TRIP13: variants seen among roughly 807,000 people sequenced by gnomAD.
The protein encoded by TRIP13 is thyroid hormone receptor interactor 13.
A neutral mutation model predicts 54.4 loss-of-function variants in TRIP13; 25 were observed. That is an observed-to-expected ratio of 0.46 (90% CI 0.33 to 0.64). The LOEUF (loss-of-function observed/expected upper bound fraction) is 0.64, where lower values mean the gene tolerates loss of function less well. Among genes scored for constraint, TRIP13 ranks in the 30% least tolerant of loss-of-function variants. TRIP13 has a pLI of 0.02. For missense variants in TRIP13, 373 were observed against 534.2 expected (o/e 0.70, Z 2.97); for synonymous variants, 207 against 207.8 (o/e 1.00, Z 0.03).
chr5:911,990 G>A lies in TRIP13; in HGVS notation c.1014G>A (p.Leu338=), dbSNP rs1434633722. Residue 338 remains leucine (L), a synonymous_variant, in exon 10 of 13, where the codon CTG becomes CTA. Transcript: ENST00000166345. This position sits in a 1 kb window ranked among gnomAD's most constrained non-coding sequence, Gnocchi z 4.7. ...TCTACCTCTCTTGTTTGGAAGAACT[G>A]ATGAAGGTACCTTTATTTTTTTTTT... The part of the protein sequence containing the change: ...FKIYLSCLEE[L]MKCQIIYPRQ... 9.4e-6 allele frequency: 15 copies of A among 1,603,456 alleles called. No individual in the cohort carries two copies. Among genetic ancestry groups the A allele is most frequent in the South Asian group, 2.3e-5 (2 of 88,848 alleles).
intron 4 of TRIP13, 25 bp downstream of exon 4, chr5:900,574 A>T: frequency 6.2e-7 from 1 of 1,607,676 alleles, no homozygotes; most frequent in Non-Finnish European, 8.5e-7. Context: ...CTTTTCCCAG[A>T]ATGCCCTGTT....
At chr5:900,610 T>G (rs1753963658) in intron 4 of TRIP13, 61 bp downstream of exon 4, 1 of 1,585,410 alleles carries the variant, frequency 6.3e-7, no homozygotes, top group African/African-American at 1.4e-5. Context: ...ATTACTGTTT[T>G]GCTCTCCAAC....
rs7708206 is a variant in TRIP13 at position 896,611 on chromosome 5, C to G, written c.259-54C>G. 112,453 of 1,567,272 alleles carry G rather than the reference C, an allele frequency of 0.072. 10,453 individuals are homozygous for G. Among genetic ancestry groups the G allele is most frequent in the African/African-American group, 0.47 (34,630 of 74,008 alleles). ...CCTTAACATCTAATTTGTATGGTTG[C>G]AGTTAAGTGAGAGTTGGAAATGTGT... On this transcript the variant is annotated intron_variant, in intron 2 of 12. Transcript: ENST00000166345.
intron 5 of TRIP13, among the ~76,000 whole-genome samples, chr5:901,772 G>A (rs559555999): frequency 1.3e-5 from 2 of 152,192 alleles, no homozygotes; most frequent in East Asian, 1.9e-4. Context: ...ACAGGCATGC[G>A]CCACCACACC....
chr5:902,275 A>G (rs767712834), intron 5 of TRIP13, among the ~76,000 whole-genome samples: 2 of 152,208 alleles, frequency 1.3e-5, no homozygotes, highest in Non-Finnish European at 1.5e-5. Flanking sequence ...ACTGTAGCCA[A>G]GTGTTAAATA....
In TRIP13 at chr5:913,859, G is replaced by A. The variant is rs774450075; in HGVS notation, c.1021-606G>A. Among the ~76,000 whole-genome samples, 2 of 152,122 alleles carry A rather than the reference G, an allele frequency of 1.3e-5. No individual in the cohort carries two copies. Among genetic ancestry groups the A allele is most frequent in the Non-Finnish European group, 2.9e-5 (2 of 68,018 alleles). On this transcript the variant is annotated intron_variant, in intron 10 of 12. Coordinates refer to ENST00000166345, the MANE Select transcript of TRIP13 (RefSeq NM_004237.4). The surrounding 1 kb of genome is among the most constrained non-coding windows in gnomAD (Gnocchi z 4.5). ...CTTCTCCTTGTTCCTGAGTCAGAAC[G>A]GTTCGTATTAGAATTCAGTCATAGT...
Position 911,151 on chromosome 5 carries a change from A to G in TRIP13, c.867-692A>G, listed in dbSNP as rs925148479. Among the ~76,000 whole-genome samples, 2 of 152,238 alleles carry G rather than the reference A, an allele frequency of 1.3e-5. No homozygotes were observed. Among genetic ancestry groups the G allele is most frequent in the African/African-American group, 4.8e-5 (2 of 41,476 alleles). On this transcript the variant is annotated intron_variant, in intron 9 of 12. Transcript: ENST00000166345. This position sits in a 1 kb window ranked among gnomAD's most constrained non-coding sequence, Gnocchi z 4.7. ...GAGTTTAGACGCTAGAGGGGAGAGC[A>G]GATCATGAACATGGGAAGTAACCCA... is the stretch of plus-strand genomic sequence containing the variant.
Position 893,030 on chromosome 5 carries a change from C to T in TRIP13, c.32C>T (p.Ala11Val). 1 of 1,594,844 alleles carries T rather than the reference C, an allele frequency of 6.3e-7. No homozygotes were observed. Among genetic ancestry groups the T allele is most frequent in the East Asian group, 2.3e-5 (1 of 43,840 alleles). The change falls in exon 1 of 13, where the codon GCG (alanine) becomes GTG (valine). Residue 11 changes from alanine (A) to valine (V), a missense_variant. Around this residue, in one of 4 missense-constraint regions of TRIP13, gnomAD observed 151 missense variants for 151.9 expected, o/e 0.99. Transcript: ENST00000166345. ...GAGGCCGTGGGCGACCTGAAGCAGG[C>T]GCTTCCCTGTGTGGCCGAGTCGCCA... is the stretch of plus-strand genomic sequence containing the variant. Reference protein sequence around the residue: MDEAVGDLKQALPCVAESPTV... With the variant: MDEAVGDLKQVLPCVAESPTV...
At chr5:909,867 G>A (rs1468831211) in intron 9 of TRIP13, among the ~76,000 whole-genome samples, 1 of 152,238 alleles carries the variant, frequency 6.6e-6, no homozygotes, top group Non-Finnish European at 1.5e-5. Context: ...GCTTAAGAAC[G>A]CCTTTAAGCG....
Position 908,314 on chromosome 5 carries a change from C to G in TRIP13, c.760-41C>G. The G allele has an allele frequency of 6.2e-7, 1 of 1,600,800 alleles. No homozygotes were observed. The highest frequency in any genetic ancestry group is 8.5e-7 in the Non-Finnish European group (1 of 1,174,796). ...ATCCCCATAGCTGCCTGTGAAGTGC[C>G]AGGCCCTGTCCTTTTTGACCCCACT... On this transcript the variant is annotated intron_variant, in intron 8 of 12. Coordinates refer to ENST00000166345, the MANE Select transcript of TRIP13 (RefSeq NM_004237.4). This position sits in a 1 kb window ranked among gnomAD's most constrained non-coding sequence, Gnocchi z 5.2.
chr5:892,983 T>C lies in TRIP13; in HGVS notation c.-16T>C. ...GGCCGCGCCCTGGTTGGGTCCCCAC[T>C]GCTCTCGGGGGCGCCATGGACGAGG... On this transcript the variant is annotated 5_prime_UTR_variant, in exon 1 of 13. Coordinates refer to ENST00000166345, the MANE Select transcript of TRIP13 (RefSeq NM_004237.4). 6.4e-7 allele frequency: 1 copy of C among 1,552,800 alleles called. No homozygotes were observed. Among genetic ancestry groups the C allele is most frequent in the South Asian group, 1.2e-5 (1 of 84,466 alleles).
intron 9 of TRIP13, among the ~76,000 whole-genome samples, chr5:910,542 G>A (rs1055716050): frequency 2.0e-5 from 3 of 152,106 alleles, no homozygotes; most frequent in South Asian, 4.1e-4. Context: ...TGATGGCCTC[G>A]CTGTGCACCT....
chr5:911,764 T>C lies in TRIP13; in HGVS notation c.867-79T>C. 6.6e-7 allele frequency: 1 copy of C among 1,520,726 alleles called. No individual in the cohort carries two copies. Among genetic ancestry groups the C allele is most frequent in the South Asian group, 1.3e-5 (1 of 77,664 alleles). 94.2% of individuals were successfully genotyped at this position (1,520,726 alleles called of 1,614,324 possible). ...CCTGCTGGCCATCGTCCTGCCAACCTCCTTGCCAGATAGGGCAGGATAGAA... is the reference window on the plus strand; with the variant it reads ...CCTGCTGGCCATCGTCCTGCCAACCCCCTTGCCAGATAGGGCAGGATAGAA... On this transcript the variant is annotated intron_variant, in intron 9 of 12. Coordinates refer to ENST00000166345, the MANE Select transcript of TRIP13 (RefSeq NM_004237.4). The surrounding 1 kb of genome is among the most constrained non-coding windows in gnomAD (Gnocchi z 4.7).
chr5:915,891 T>A lies in TRIP13; in HGVS notation c.1134-13T>A. 1 of 1,614,092 alleles carries A rather than the reference T, an allele frequency of 6.2e-7. No individual in the cohort carries two copies. The highest frequency in any genetic ancestry group is 8.5e-7 in the Non-Finnish European group (1 of 1,179,962). On this transcript the variant is annotated splice_polypyrimidine_tract_variant and intron_variant, in intron 11 of 12. Transcript: ENST00000166345. The surrounding 1 kb of genome is among the most constrained non-coding windows in gnomAD (Gnocchi z 4.2). ...ATAAATTGCTGTCTCTGAACTGGGT[T>A]TTCTTTACACAGGAAGAGCGAGGGC...
chr5:893,350 C>T (rs1287936621), intron 1 of TRIP13, among the ~76,000 whole-genome samples: 1 of 151,356 alleles, frequency 6.6e-6, no homozygotes, highest in Non-Finnish European at 1.5e-5. Flanking sequence ...AGCCCCGACC[C>T]GACCTCAGCT....
Position 896,429 on chromosome 5 carries a change from C to T in TRIP13, c.259-236C>T, listed in dbSNP as rs28672176. 0.018 allele frequency among the ~76,000 whole-genome samples: 2,787 copies of T among 152,204 alleles called. 86 individuals are homozygous for T. Among genetic ancestry groups the T allele is most frequent in the African/African-American group, 0.064 (2,651 of 41,524 alleles). On this transcript the variant is annotated intron_variant, in intron 2 of 12. Transcript: ENST00000166345. ...CGTCCCGGAGGCTGGATTTAGGGCA[C>T]TTTTTCATTCTGTAAGTAAATGTAG...
rs1754147225 is a variant in TRIP13 at position 907,827 on chromosome 5, A to C, written c.673-161A>C. Among the ~76,000 whole-genome samples, 1 of 152,144 alleles carries C rather than the reference A, an allele frequency of 6.6e-6. No homozygotes were observed. The highest frequency in any genetic ancestry group is 1.5e-5 in the Non-Finnish European group (1 of 68,024). On this transcript the variant is annotated intron_variant, in intron 7 of 12. Coordinates refer to ENST00000166345, the MANE Select transcript of TRIP13 (RefSeq NM_004237.4). The surrounding 1 kb of genome is among the most constrained non-coding windows in gnomAD (Gnocchi z 4.1). ...AAGAGTGTTAGGCTGACCTCCTCCC[A>C]TGCTGCCCTAGCTTCTCTGATTTAG...
chr5:905,142 G>A (rs1754086668), intron 6 of TRIP13, among the ~76,000 whole-genome samples: 1 of 152,104 alleles, frequency 6.6e-6, no homozygotes, highest in Non-Finnish European at 1.5e-5. Flanking sequence ...TTGAGGTTTG[G>A]TTTTTTTAAG....
Position 896,648 on chromosome 5 carries a change from C to A in TRIP13, c.259-17C>A. 6.3e-7 allele frequency: 1 copy of A among 1,595,980 alleles called. No individual in the cohort carries two copies. The highest frequency in any genetic ancestry group is 8.6e-7 in the Non-Finnish European group (1 of 1,167,938). Reference sequence around the variant, plus strand: ...AGTTGGAAATGTGTGTCGATATTGGCTTTTCCCTCATTTTAGCCCATCGAT... The same window carrying A: ...AGTTGGAAATGTGTGTCGATATTGGATTTTCCCTCATTTTAGCCCATCGAT... On this transcript the variant is annotated splice_polypyrimidine_tract_variant and intron_variant, in intron 2 of 12. Coordinates refer to ENST00000166345, the MANE Select transcript of TRIP13 (RefSeq NM_004237.4).
Sources: allele counts gnomAD v4.1 joint callset (sites outside exome capture counted in the v4.1 genomes callset), GRCh38; gene constraint gnomAD v4.1.1; regional missense constraint gnomAD v4.1.1; non-coding constraint Gnocchi (gnomAD v3.1); transcripts MANE v1.5; gene names NCBI Gene and HGNC (gene_info 2026-07-23, HGNC 2026-07-21).